The following NTNG1 variants were observed in gnomAD, a reference collection of about 807,000 sequenced individuals.
NTNG1 encodes the protein netrin G1.
Under a neutral mutation model 54.0 loss-of-function variants are expected in NTNG1, and 16 were observed. The ratio of observed to expected loss-of-function variants is 0.30; its 90% confidence interval spans 0.20 to 0.45. The LOEUF (loss-of-function observed/expected upper bound fraction) is 0.45. Ranked by LOEUF, NTNG1 falls within the 20% of genes least tolerant of loss-of-function variation. The pLI, the probability that NTNG1 is intolerant of heterozygous loss-of-function variation, is 1.00. For missense variants in NTNG1, 530 were observed against 678.7 expected (o/e 0.78, Z 2.43); for synonymous variants, 255 against 263.1 (o/e 0.97, Z 0.30).
At chr1:107,476,342 A>T (rs594165) in intron 7 of NTNG1, among the ~76,000 whole-genome samples, 1 of 151,838 alleles carries the variant, frequency 6.6e-6, no homozygotes, top group Non-Finnish European at 1.5e-5. Flanking sequence ...ACTCTTTTTG[A>T]TTCATCTTTT....
intron 2 of NTNG1, among the ~76,000 whole-genome samples, chr1:107,302,145 C>G (rs1335313796): frequency 1.3e-5 from 2 of 152,198 alleles, no homozygotes; most frequent in Non-Finnish European, 2.9e-5. Context: ...AAGCCCTACT[C>G]AGGTCTTAGC....
intron 1 of NTNG1, chr1:107,141,459 G>C (rs971424113): frequency 6.6e-6 from 1 of 151,358 alleles, no homozygotes. Context: ...CGAGCCACAC[G>C]GTAAGTGCCT....
chr1:107,479,872 G>C (rs566633739), intron 7 of NTNG1, among the ~76,000 whole-genome samples: 1 of 152,128 alleles, frequency 6.6e-6, no homozygotes, highest in Admixed American at 6.5e-5. Context: ...TGGTAATCAG[G>C]GTTTCACCAT....
intron 3 of NTNG1, among the ~76,000 whole-genome samples, chr1:107,377,975 T>C (rs528262865): frequency 6.6e-6 from 1 of 152,354 alleles, no homozygotes; most frequent in South Asian, 2.1e-4. Context: ...AGGTAGACTT[T>C]GCCACACAGA....
At chr1:107,399,497 G>T (rs1409660435) in intron 4 of NTNG1, among the ~76,000 whole-genome samples, 1 of 152,082 alleles carries the variant, frequency 6.6e-6, no homozygotes, top group Admixed American at 6.6e-5. Context: ...TTTGATGATT[G>T]TTCTATTATT....
intron 2 of NTNG1, among the ~76,000 whole-genome samples, chr1:107,170,426 T>C (rs1656136057): frequency 6.6e-6 from 1 of 152,144 alleles, no homozygotes; most frequent in Non-Finnish European, 1.5e-5. Flanking sequence ...GTGGATGATA[T>C]ACTAGGTTAA....
At chr1:107,458,047 A>T (rs1373344403) in intron 7 of NTNG1, among the ~76,000 whole-genome samples, 3 of 152,172 alleles carry the variant, frequency 2.0e-5, no homozygotes, top group Admixed American at 1.3e-4. Context: ...CCAAGTGCAG[A>T]TATATTCAAT....
chr1:107,168,319 G>A (rs1206938236), intron 2 of NTNG1, among the ~76,000 whole-genome samples: 2 of 151,696 alleles, frequency 1.3e-5, no homozygotes, highest in Non-Finnish European at 2.9e-5. Context: ...AATAATTTCA[G>A]GAAGCTGTAA....
At position 107,454,546 on chromosome 1, in the gene NTNG1, C is replaced by CAA. The variant is rs200990989; in HGVS notation, c.1390+17758_1390+17759dup. Among the ~76,000 whole-genome samples the CAA allele has an allele frequency of 3.0e-3, 432 of 142,564 alleles. 10 individuals are homozygous for CAA. In the East Asian group the frequency reaches 0.049, roughly 16 times the overall value. 93.5% of individuals were successfully genotyped at this position (142,564 alleles called of 152,430 possible). Reference sequence around the variant, plus strand: ...AGCCAAATATCCTGTGTCTTTTTACCAAAAAAAAAAAATCACTCTGACCAA... The same window carrying CAA: ...AGCCAAATATCCTGTGTCTTTTTACCAAAAAAAAAAAAAATCACTCTGACCAA... On this transcript the variant is annotated intron_variant, in intron 7 of 7. Transcript: ENST00000370068.
At chr1:107,189,018 G>T (rs953509297) in intron 2 of NTNG1, among the ~76,000 whole-genome samples, 1 of 152,098 alleles carries the variant, frequency 6.6e-6, no homozygotes, top group Non-Finnish European at 1.5e-5. Flanking sequence ...GAAAGAATAG[G>T]TGTTGGTGTA....
At chr1:107,179,499 A>G (rs1656909501) in intron 2 of NTNG1, among the ~76,000 whole-genome samples, 1 of 152,126 alleles carries the variant, frequency 6.6e-6, no homozygotes, top group African/African-American at 2.4e-5. Context: ...AATTGACAAT[A>G]CAAATTATTT....
At chr1:107,266,613 A>AT (rs1663752444) in intron 2 of NTNG1, among the ~76,000 whole-genome samples, 2 of 148,144 alleles carry the variant, frequency 1.4e-5, no homozygotes, top group African/African-American at 5.1e-5. Flanking sequence ...CCTTAGCAAC[A>AT]TTGTTTTTTT....
At chr1:107,230,630 A>AG (rs1359789397) in intron 2 of NTNG1, among the ~76,000 whole-genome samples, 1 of 152,162 alleles carries the variant, frequency 6.6e-6, no homozygotes, top group African/African-American at 2.4e-5. Context: ...TCTTGACCTT[A>AG]GGTATGGTTT....
chr1:107,201,351 C>T (rs757156631), intron 2 of NTNG1, among the ~76,000 whole-genome samples: 11 of 151,764 alleles, frequency 7.2e-5, no homozygotes, highest in Non-Finnish European at 1.3e-4. Flanking sequence ...ATCTGAATCT[C>T]GCCCTACTCT....
intron 2 of NTNG1, among the ~76,000 whole-genome samples, chr1:107,244,962 C>G (rs1250816677): frequency 6.6e-6 from 1 of 152,134 alleles, no homozygotes; most frequent in Non-Finnish European, 1.5e-5. Flanking sequence ...TATCTTTTCT[C>G]CTGCTGATAC....
At chr1:107,417,280 T>C (rs771125284) in intron 5 of NTNG1, among the ~76,000 whole-genome samples, 3 of 152,118 alleles carry the variant, frequency 2.0e-5, no homozygotes, top group Non-Finnish European at 2.9e-5. Flanking sequence ...TGGATATATG[T>C]ATGAGAACAC....
chr1:107,415,373 C>T (rs479497), intron 5 of NTNG1, among the ~76,000 whole-genome samples: 146,271 of 152,194 alleles, frequency 0.96, 70,542 homozygotes, highest in Non-Finnish European at 1. Context: ...ATGCCTCATA[C>T]ATACAGGCAT....
chr1:107,479,079 T>C (rs1678525703), intron 7 of NTNG1, among the ~76,000 whole-genome samples: 1 of 152,254 alleles, frequency 6.6e-6, no homozygotes, highest in Non-Finnish European at 1.5e-5. Context: ...TAATAGTCAC[T>C]TCTGACATTT....
At position 107,232,625 on chromosome 1, in the gene NTNG1, C is replaced by T. The variant is rs145054250; in HGVS notation, c.246+83786C>T. Among the ~76,000 whole-genome samples, 417 of 152,216 alleles carry T rather than the reference C, an allele frequency of 2.7e-3. 2 individuals carry two copies. Among genetic ancestry groups the T allele is most frequent in the African/African-American group, 9.7e-3 (403 of 41,524 alleles). On this transcript the variant is annotated intron_variant, in intron 2 of 7. Transcript: ENST00000370068. ...TTTATATTAAAGTCTGCCTGCTGTT[C>T]GTCTTGAGATATTATATTTGTATAG... is the stretch of plus-strand genomic sequence containing the variant.
Sources: gnomAD v4.1 joint callset for allele counts (sites outside exome capture counted in the v4.1 genomes callset) on GRCh38, gnomAD v4.1.1 for gene constraint, MANE v1.5 for transcripts, NCBI Gene and HGNC (gene_info 2026-07-23, HGNC 2026-07-21) for gene names.